URB2: variants seen among roughly 807,000 people sequenced by gnomAD.
URB2 encodes the protein URB2 ribosome biogenesis homolog.
In URB2, 86 loss-of-function variants were observed where a neutral mutation model predicts 120.9. The ratio of observed to expected loss-of-function variants is 0.71; its 90% CI spans 0.60 to 0.85. URB2 has a LOEUF of 0.85. Among genes scored for constraint, URB2 ranks in the 40% least tolerant of loss-of-function variants. URB2 has a pLI of 0.00. For synonymous variants in URB2, 755 were observed against 758.4 expected (o/e 1.00, Z 0.07); for missense variants, 1,765 against 1,836.5 (o/e 0.96, Z 0.71).
chr1:229,644,482 G>A (rs530864776), intron 5 of URB2, among the ~76,000 whole-genome samples: 229 of 152,338 alleles, frequency 1.5e-3, no homozygotes, highest in Middle Eastern at 3.4e-3. Context: ...GAATGCAGGG[G>A]ACTTGATTGG....
In URB2 at chr1:229,647,626, C is replaced by G; in HGVS notation, c.4023C>G (p.His1341Gln). The change falls in exon 7 of 10, where the codon CAC becomes CAG. Residue 1341 changes from histidine (H) to glutamine (Q), a missense_variant. By Grantham distance (24) the His-to-Gln change is conservative (BLOSUM62 0). Coordinates refer to ENST00000258243, the MANE Select transcript of URB2 (RefSeq NM_014777.4). ...RQGEEAIGNPHHVSLAFSILL... is the reference protein window; with the variant it reads ...RQGEEAIGNPQHVSLAFSILL... ...GGGAGGAGGCCATCGGCAACCCCCA[C>G]CACGTCAGCCTGGCCTTCAGCATCC... 1 of 1,614,190 alleles carries G rather than the reference C, an allele frequency of 6.2e-7. No homozygotes were observed. The highest frequency in any genetic ancestry group is 8.5e-7 in the Non-Finnish European group (1 of 1,180,042).
chr1:229,643,339 G>A (rs1225238838), intron 4 of URB2, among the ~76,000 whole-genome samples, 194 bp from the exon 5 acceptor site: 5 of 152,352 alleles, frequency 3.3e-5, no homozygotes, highest in South Asian at 4.1e-4. Context: ...ATGCACAGGC[G>A]TAGCTGTGCG....
intron 2 of URB2, among the ~76,000 whole-genome samples, chr1:229,630,728 C>T (rs1457689753): frequency 1.3e-5 from 2 of 152,148 alleles, no homozygotes; most frequent in East Asian, 3.8e-4. Context: ...TGGCTCACGC[C>T]TGTAATCCCA....
rs1571887290 is a variant in URB2, at chr1:229,659,457, C to T, written c.*160C>T. The T allele has an allele frequency of 5.7e-6, 4 of 704,304 alleles. No individual in the cohort carries two copies. In the East Asian group the frequency reaches 8.4e-5, roughly 15 times the overall value. 43.6% of individuals were successfully genotyped at this position (704,304 alleles called of 1,614,324 possible). ...ATGTAGTATATTTTGATGTATTTTA[C>T]ATCGTGTTTTTCTTACTATTTTTTA... On this transcript the variant is annotated 3_prime_UTR_variant, in exon 10 of 10. Coordinates refer to ENST00000258243, the MANE Select transcript of URB2 (RefSeq NM_014777.4).
At chr1:229,632,530 G>A in intron 3 of URB2, 85 bp downstream of exon 3, 1 of 1,215,866 alleles carries the variant, frequency 8.2e-7, no homozygotes, top group Non-Finnish European at 1.1e-6. Context: ...AGTGTCAATT[G>A]TATGAAGATA....
At chr1:229,643,315 TGTGTGTACAC>T (rs751473520) in intron 4 of URB2, among the ~76,000 whole-genome samples, 140 of 152,384 alleles carry the variant, frequency 9.2e-4, no homozygotes, top group Admixed American at 2.0e-3. Context: ...TCTGTGTTTG[TGTGTGTACAC>T]ACAATGCACA....
intron 7 of URB2, among the ~76,000 whole-genome samples, chr1:229,650,154 C>T (rs1558171206): frequency 6.6e-6 from 1 of 152,218 alleles, no homozygotes; most frequent in African/African-American, 2.4e-5. Flanking sequence ...TCTGTTCACT[C>T]TCACACGTGA....
intron 6 of URB2, 111 bp downstream of exon 6, chr1:229,646,080 T>C: frequency 1.1e-6 from 1 of 940,666 alleles, no homozygotes; most frequent in Non-Finnish European, 1.7e-6. Context: ...AGAACGTGTG[T>C]GTGGGCTACT....
intron 4 of URB2, among the ~76,000 whole-genome samples, chr1:229,642,463 A>G (rs1345386732): frequency 6.6e-6 from 1 of 152,182 alleles, no homozygotes; most frequent in Non-Finnish European, 1.5e-5. Flanking sequence ...ATAGTAAGCA[A>G]AGACAGGAAA....
intron 8 of URB2, among the ~76,000 whole-genome samples, chr1:229,652,334 C>G (rs1207307995): frequency 1.3e-5 from 2 of 152,190 alleles, no homozygotes; most frequent in Non-Finnish European, 2.9e-5. Flanking sequence ...GACCATAACT[C>G]AACTCGGGGT....
Position 229,636,120 on chromosome 1 carries a change from C to T in URB2, c.1507C>T (p.Leu503=). ...CTCCACGGTACTCTCTGCATGCCTC[C>T]TGGAGCTGCCTCCAAGTCAGATCCT... ...GPSTVLSACL[L]ELPPSQILDT... is the part of the protein sequence containing the mutation. The change falls in exon 4 of 10, where the codon CTG becomes TTG. Residue 503 remains leucine, a synonymous_variant. Coordinates refer to ENST00000258243, the MANE Select transcript of URB2 (RefSeq NM_014777.4). 1 of 1,614,266 alleles carries T rather than the reference C, an allele frequency of 6.2e-7. No homozygotes were observed. Among genetic ancestry groups the T allele is most frequent in the Non-Finnish European group, 8.5e-7 (1 of 1,180,054 alleles).
At position 229,659,227 on chromosome 1, in the gene URB2, A is replaced by C. The variant is rs1266091813; in HGVS notation, c.4505A>C (p.Lys1502Thr). Reference protein sequence around the residue: ...SLQPGMRDIFKELYNDYLKYH... With the variant: ...SLQPGMRDIFTELYNDYLKYH... ...CAGCCGGGAATGAGAGACATCTTTAAGGAGCTCTATAATGACTATCTCAAG... is the reference window on the plus strand; with the variant it reads ...CAGCCGGGAATGAGAGACATCTTTACGGAGCTCTATAATGACTATCTCAAG... Residue 1502 changes from lysine (K) to threonine (T), a missense_variant, in exon 10 of 10, where the codon AAG becomes ACG. Lys to Thr is a moderately conservative substitution (Grantham distance 78). Coordinates refer to ENST00000258243, the MANE Select transcript of URB2 (RefSeq NM_014777.4). The C allele has an allele frequency of 6.2e-7, 1 of 1,614,064 alleles. No homozygotes were observed. Among genetic ancestry groups the C allele is most frequent in the Non-Finnish European group, 8.5e-7 (1 of 1,180,034 alleles).
chr1:229,650,526 G>C (rs1024628418), intron 7 of URB2, among the ~76,000 whole-genome samples: 2 of 152,058 alleles, frequency 1.3e-5, no homozygotes, highest in Non-Finnish European at 1.5e-5. Flanking sequence ...TGTCTCCTGG[G>C]TTCAAGCAGT....
chr1:229,635,629 A>G lies in URB2; in HGVS notation c.1016A>G (p.His339Arg). ...PRLFGCLKIS[H>R]LQEEQSKALS... is the part of the protein sequence containing the mutation. ...TTGTTTGGCTGCTTGAAGATTTCAC[A>G]CCTGCAGGAGGAGCAGAGCAAAGCC... Residue 339 changes from histidine (H) to arginine (R), a missense_variant, in exon 4 of 10, where the codon CAC becomes CGC. His to Arg is a conservative substitution (Grantham distance 29). Coordinates refer to ENST00000258243, the MANE Select transcript of URB2 (RefSeq NM_014777.4). The G allele has an allele frequency of 6.2e-7, 1 of 1,613,980 alleles. No individual in the cohort carries two copies. Among genetic ancestry groups the G allele is most frequent in the African/African-American group, 1.3e-5 (1 of 75,000 alleles).
In URB2 at chr1:229,659,104, C is replaced by T. The variant is rs748958582; in HGVS notation, c.4382C>T (p.Thr1461Ile). The T allele has an allele frequency of 1.9e-6, 3 of 1,611,666 alleles. No individual in the cohort carries two copies. In the Admixed American group the frequency reaches 5.0e-5, roughly 27 times the overall value. The change falls in exon 10 of 10, where the codon ACC becomes ATC. Residue 1461 changes from threonine (T) to isoleucine (I), a missense_variant. Thr to Ile is a moderately conservative substitution (Grantham distance 89). Coordinates refer to ENST00000258243, the MANE Select transcript of URB2 (RefSeq NM_014777.4). ...AQYVLEVQKV[T>I]LYPAVKSLLQ... ...GAGGTTTGCCTTTTTCCTCAGGTGA[C>T]CTTATATCCAGCTGTGAAAAGTCTG...
intron 9 of URB2, among the ~76,000 whole-genome samples, chr1:229,658,472 G>A (rs1217806689): frequency 6.6e-6 from 1 of 152,160 alleles, no homozygotes; most frequent in Non-Finnish European, 1.5e-5. Context: ...TGCATATTGT[G>A]CTGTTCTTGA....
intron 6 of URB2, among the ~76,000 whole-genome samples, chr1:229,647,146 G>C (rs745566705): frequency 6.6e-6 from 1 of 152,114 alleles, no homozygotes; most frequent in South Asian, 2.1e-4. Context: ...GCAGGGGTCC[G>C]CACAGCCAGA....
chr1:229,629,901 A>G (rs1372444339), intron 2 of URB2, among the ~76,000 whole-genome samples: 1 of 152,246 alleles, frequency 6.6e-6, no homozygotes, highest in East Asian at 1.9e-4. Context: ...TGTTCACAGC[A>G]TCTTCACCAG....
chr1:229,646,452 C>A (rs974387189), intron 6 of URB2, among the ~76,000 whole-genome samples: 4 of 152,092 alleles, frequency 2.6e-5, no homozygotes, highest in Non-Finnish European at 4.4e-5. Flanking sequence ...AGGTGCATGC[C>A]ACTGCAGCCA....
Sources: allele counts gnomAD v4.1 joint callset (sites outside exome capture counted in the v4.1 genomes callset), GRCh38; gene constraint gnomAD v4.1.1; transcripts MANE v1.5; gene names NCBI Gene and HGNC (gene_info 2026-07-23, HGNC 2026-07-21).